The following TOMM70 variants were observed in gnomAD, a reference collection of about 807,000 sequenced individuals.
The protein encoded by TOMM70 is translocase of outer mitochondrial membrane 70, also known as mitochondrial import receptor subunit TOM70.
A neutral mutation model predicts 73.6 loss-of-function variants in TOMM70; 13 were observed. That is an observed-to-expected ratio of 0.18 (90% CI 0.11 to 0.28). The LOEUF is 0.28. Among genes scored for constraint, TOMM70 ranks in the 10% least tolerant of loss-of-function variants. The pLI is 1.00. For missense variants in TOMM70, 609 were observed against 747.5 expected (o/e 0.81, Z 2.16); for synonymous variants, 257 against 271.2 (o/e 0.95, Z 0.51).
intron 8 of TOMM70, among the ~76,000 whole-genome samples, chr3:100,373,005 A>G (rs2148889660): frequency 6.6e-6 from 1 of 152,288 alleles, no homozygotes. Flanking sequence ...TGAATTTTAA[A>G]TCTAGTAAAA....
intron 1 of TOMM70, among the ~76,000 whole-genome samples, chr3:100,400,355 C>T (rs1193046032): frequency 6.6e-6 from 1 of 152,232 alleles, no homozygotes; most frequent in Non-Finnish European, 1.5e-5. Context: ...CCACTCCCAT[C>T]TACAACACTA....
At chr3:100,393,271 A>G (rs955536641) in intron 1 of TOMM70, among the ~76,000 whole-genome samples, 2 of 152,210 alleles carry the variant, frequency 1.3e-5, no homozygotes, top group African/African-American at 4.8e-5. Context: ...CCATTAAAAA[A>G]CAAACATGAA....
chr3:100,384,014 C>G (rs1706664871), intron 4 of TOMM70, among the ~76,000 whole-genome samples: 1 of 152,206 alleles, frequency 6.6e-6, no homozygotes, highest in African/African-American at 2.4e-5. Context: ...TAGCCTAAAA[C>G]TAATGCCAAC....
chr3:100,400,986 C>A lies in TOMM70; in HGVS notation c.-37G>T. 6.6e-7 allele frequency: 1 copy of A among 1,521,334 alleles called. No homozygotes were observed. Among genetic ancestry groups the A allele is most frequent in the Non-Finnish European group, 8.8e-7 (1 of 1,138,730 alleles). The allele number at this position is 1,521,334 out of a possible 1,614,324, so 94.2% of individuals were successfully genotyped here. A position where few individuals can be genotyped will look rare whatever the true frequency, so the allele number is the denominator to read the frequency against. ...TCTGCCACCGCCTCCCTGTCTGTCG[C>A]GAGCGCCACAATCACCAAACAGCGT... On this transcript the variant is annotated 5_prime_UTR_variant, in exon 1 of 12. Transcript: ENST00000284320.
chr3:100,369,523 A>AG (rs1706485422), intron 9 of TOMM70, among the ~76,000 whole-genome samples: 1 of 143,284 alleles, frequency 7.0e-6, no homozygotes, highest in South Asian at 2.2e-4. Flanking sequence ...TTTTTGAGAT[A>AG]GAGTTTCATT....
intron 10 of TOMM70, 97 bp from the exon 11 acceptor site, chr3:100,368,263 A>G (rs777588383): frequency 7.1e-7 from 1 of 1,406,650 alleles, no homozygotes; most frequent in Non-Finnish European, 9.5e-7. Context: ...CAATGAACTT[A>G]TAAGTTAACT....
intron 1 of TOMM70, among the ~76,000 whole-genome samples, chr3:100,390,882 G>T (rs547483673): frequency 5.4e-4 from 82 of 152,188 alleles, no homozygotes; most frequent in African/African-American, 1.7e-3. Flanking sequence ...GCTCACGCTT[G>T]TAATTCCAGC....
At chr3:100,378,022 G>A (rs879249352) in intron 5 of TOMM70, 110 bp from the exon 6 acceptor site, 16 of 841,434 alleles carry the variant, frequency 1.9e-5, no homozygotes, top group South Asian at 5.0e-5. Flanking sequence ...CGAGGTGGGC[G>A]GATCACGAGG....
chr3:100,389,254 A>G (rs1051067223), intron 1 of TOMM70, among the ~76,000 whole-genome samples: 3 of 152,260 alleles, frequency 2.0e-5, no homozygotes, highest in Admixed American at 6.5e-5. Flanking sequence ...TCTTATACCT[A>G]GCTAAACTAG....
At chr3:100,400,455 G>A (rs780368273) in intron 1 of TOMM70, among the ~76,000 whole-genome samples, 171 bp downstream of exon 1, 7 of 152,184 alleles carry the variant, frequency 4.6e-5, no homozygotes, top group Non-Finnish European at 1.0e-4. Context: ...ACCTGTCATC[G>A]AGCTACTCTA....
intron 1 of TOMM70, among the ~76,000 whole-genome samples, chr3:100,393,383 G>A (rs748226969): frequency 5.9e-5 from 9 of 151,954 alleles, no homozygotes; most frequent in Non-Finnish European, 1.3e-4. Context: ...CTTATAAGTG[G>A]GAGCTAAACT....
chr3:100,395,542 C>CAAAAAAAAA (rs59048767), intron 1 of TOMM70, among the ~76,000 whole-genome samples: 1 of 81,060 alleles, frequency 1.2e-5, no homozygotes, highest in African/African-American at 3.3e-5. Context: ...GACTCCAACT[C>CAAAAAAAAA]AAAAAAAAAA....
chr3:100,377,553 A>G, intron 6 of TOMM70, 152 bp downstream of exon 6: 2 of 678,872 alleles, frequency 2.9e-6, no homozygotes, highest in Non-Finnish European at 4.9e-6. Context: ...GATTCACTGC[A>G]CCAACTACAT....
At chr3:100,392,738 A>G (rs558176316) in intron 1 of TOMM70, among the ~76,000 whole-genome samples, 2 of 152,242 alleles carry the variant, frequency 1.3e-5, no homozygotes, top group South Asian at 2.1e-4. Flanking sequence ...TTAAAGAACT[A>G]GAATAGACAT....
intron 1 of TOMM70, among the ~76,000 whole-genome samples, chr3:100,387,748 G>A (rs1258895492): frequency 2.0e-5 from 3 of 150,928 alleles, no homozygotes; most frequent in Non-Finnish European, 4.4e-5. Flanking sequence ...TGATTCTCCT[G>A]CCTCAGCCTC....
At chr3:100,394,660 T>A (rs1374943525) in intron 1 of TOMM70, among the ~76,000 whole-genome samples, 3 of 152,090 alleles carry the variant, frequency 2.0e-5, no homozygotes, top group African/African-American at 7.2e-5. Context: ...CCCACCATCA[T>A]GCCCGGCTAA....
chr3:100,375,697 A>G (rs1025661912), intron 6 of TOMM70, among the ~76,000 whole-genome samples: 1 of 152,220 alleles, frequency 6.6e-6, no homozygotes, highest in African/African-American at 2.4e-5. Flanking sequence ...TAATGCTGCT[A>G]TGAACATTCA....
At chr3:100,385,522 T>C (rs1457640720) in intron 3 of TOMM70, among the ~76,000 whole-genome samples, 1 of 152,238 alleles carries the variant, frequency 6.6e-6, no homozygotes, top group Non-Finnish European at 1.5e-5. Flanking sequence ...GAAAGAACTT[T>C]TAGATTGTAG....
Position 100,385,049 on chromosome 3 carries a change from A to G in TOMM70, c.626-461T>C, listed in dbSNP as rs115214089. On this transcript the variant is annotated intron_variant, in intron 3 of 11. Coordinates refer to ENST00000284320, the MANE Select transcript of TOMM70 (RefSeq NM_014820.5). ...TTATGTCACAGCTCAAGATGCATGCAGTGGTTTGAAATTAAAAAGTAAGTG... is the reference window on the plus strand; with the variant it reads ...TTATGTCACAGCTCAAGATGCATGCGGTGGTTTGAAATTAAAAAGTAAGTG... Among the ~76,000 whole-genome samples the G allele has an allele frequency of 4.0e-3, 612 of 152,370 alleles. 3 individuals are homozygous for G. The highest frequency in any genetic ancestry group is 7.9e-3 in the South Asian group (38 of 4,830).
Sources: gnomAD v4.1 joint callset for allele counts (sites outside exome capture counted in the v4.1 genomes callset) on GRCh38, gnomAD v4.1.1 for gene constraint, MANE v1.5 for transcripts, NCBI Gene and HGNC (gene_info 2026-07-23, HGNC 2026-07-21) for gene names.